CTBP2: variants seen among roughly 807,000 people sequenced by gnomAD.
CTBP2 encodes the protein C-terminal-binding protein 2.
Under a neutral mutation model 80.3 loss-of-function variants are expected in CTBP2, and 30 were observed. The ratio of observed to expected loss-of-function variants is 0.37; its 90% CI spans 0.28 to 0.51. CTBP2 has a LOEUF of 0.51. Ranked by LOEUF, CTBP2 falls within the 20% of genes least tolerant of loss-of-function variation. The probability of loss-of-function intolerance (pLI) is 0.93; values close to 1 mark genes in which losing one functional copy is unlikely to be tolerated. For synonymous variants in CTBP2, 594 were observed against 587.4 expected (o/e 1.01, Z -0.16); for missense variants, 1,212 against 1,375.3 (o/e 0.88, Z 1.88).
At chr10:125,075,078 A>G (rs1846074530) in intron 2 of CTBP2, among the ~76,000 whole-genome samples, 2 of 152,252 alleles carry the variant, frequency 1.3e-5, no homozygotes, top group African/African-American at 4.8e-5. Flanking sequence ...GACAACGGTG[A>G]TCTAAGACAC....
chr10:125,027,882 T>C lies in CTBP2; in HGVS notation c.-123A>G. 7.0e-7 allele frequency: 1 copy of C among 1,427,580 alleles called. No homozygotes were observed. Among genetic ancestry groups the C allele is most frequent in the South Asian group, 1.5e-5 (1 of 65,276 alleles). 88.4% of individuals were successfully genotyped at this position (1,427,580 alleles called of 1,614,324 possible). ...TTCCGAGACGGCAGGGACAACCAACTGGGGGTTTTCTGTTTCAAAGCATGG... is the reference window on the plus strand; with the variant it reads ...TTCCGAGACGGCAGGGACAACCAACCGGGGGTTTTCTGTTTCAAAGCATGG... On this transcript the variant is annotated 5_prime_UTR_variant, in exon 1 of 9. Coordinates refer to ENST00000309035, the MANE Select transcript of CTBP2 (RefSeq NM_022802.3).
intron 1 of CTBP2, among the ~76,000 whole-genome samples, chr10:125,159,307 G>C (rs1462666683): frequency 6.7e-6 from 1 of 149,562 alleles, no homozygotes; most frequent in African/African-American, 2.4e-5. Context: ...GGCCCGGGCG[G>C]GGAAGGTGGG....
At chr10:125,053,799 G>C (rs537285825) in intron 2 of CTBP2, among the ~76,000 whole-genome samples, 17 of 152,316 alleles carry the variant, frequency 1.1e-4, no homozygotes, top group Admixed American at 1.1e-3. Context: ...CTTGGAAAAG[G>C]AGAGATGCCA....
At chr10:125,003,157 C>A (rs554950642) in intron 2 of CTBP2, 53 bp from the exon 5 acceptor site, 5 of 1,609,598 alleles carry the variant, frequency 3.1e-6, no homozygotes, top group Non-Finnish European at 4.2e-6. Context: ...AGCCCACCGG[C>A]ACCACTTGGC....
intron 1 of CTBP2, among the ~76,000 whole-genome samples, chr10:125,130,039 CTCTT>C (rs1825632560): frequency 2.8e-5 from 2 of 71,136 alleles, no homozygotes; most frequent in Non-Finnish European, 6.3e-5. Flanking sequence ...CAGGATTTCT[CTCTT>C]TTTTTTTTTT....
intron 2 of CTBP2, among the ~76,000 whole-genome samples, chr10:125,061,210 A>T (rs1340626819): frequency 6.6e-6 from 1 of 152,260 alleles, no homozygotes; most frequent in Admixed American, 6.5e-5. Context: ...TGCTAAAGCA[A>T]ACATCTTATT....
At chr10:125,031,104 T>C (rs981331354), upstream of CTBP2, among the ~76,000 whole-genome samples, 1 of 152,204 alleles carries the variant, frequency 6.6e-6, no homozygotes, top group African/African-American at 2.4e-5. Context: ...GCCTATGGCA[T>C]ACCCATTTCC....
chr10:125,069,086 G>A (rs758740787), intron 2 of CTBP2, among the ~76,000 whole-genome samples: 7 of 152,108 alleles, frequency 4.6e-5, no homozygotes, highest in Non-Finnish European at 8.8e-5. Flanking sequence ...AAACAGTCTC[G>A]GGGCTGGCCT....
intron 2 of CTBP2, among the ~76,000 whole-genome samples, chr10:125,055,782 T>C (rs1366226148): frequency 1.3e-5 from 2 of 152,036 alleles, no homozygotes; most frequent in Admixed American, 6.5e-5. Context: ...TACCCAACTG[T>C]TGGCAGGGGA....
intron 1 of CTBP2, chr10:125,005,819 G>T: frequency 1.2e-6 from 2 of 1,608,356 alleles, no homozygotes; most frequent in Non-Finnish European, 1.7e-6. Flanking sequence ...GCCCCAGGCG[G>T]TCGCCCACAC....
At chr10:125,069,909 AAAG>A (rs940224325) in intron 2 of CTBP2, among the ~76,000 whole-genome samples, 9 of 132,638 alleles carry the variant, frequency 6.8e-5, no homozygotes, top group African/African-American at 2.3e-4. Flanking sequence ...ACAAACCCCA[AAAG>A]AAGTGAATAT....
intron 1 of CTBP2, among the ~76,000 whole-genome samples, chr10:125,112,343 C>T (rs1372622113): frequency 6.6e-6 from 1 of 151,916 alleles, no homozygotes; most frequent in African/African-American, 2.4e-5. Context: ...GAACTTCTGA[C>T]CTCAAGTGAT....
intron 1 of CTBP2, among the ~76,000 whole-genome samples, chr10:125,011,072 A>C (rs1222597872): frequency 6.6e-6 from 1 of 152,212 alleles, no homozygotes; most frequent in Non-Finnish European, 1.5e-5. Flanking sequence ...AGGAGGGAAA[A>C]AATCGAGTGT....
intron 2 of CTBP2, among the ~76,000 whole-genome samples, chr10:125,053,944 C>G (rs1564809839): frequency 6.6e-6 from 1 of 152,140 alleles, no homozygotes; most frequent in Non-Finnish European, 1.5e-5. Flanking sequence ...ATCTCAGTGA[C>G]CTTTCCAGCC....
At chr10:125,119,771 T>C (rs1472983323) in intron 1 of CTBP2, among the ~76,000 whole-genome samples, 1 of 152,250 alleles carries the variant, frequency 6.6e-6, no homozygotes, top group African/African-American at 2.4e-5. Context: ...CCTGTATTTT[T>C]CTATTTTCTG....
intron 1 of CTBP2, among the ~76,000 whole-genome samples, chr10:125,152,266 G>A (rs1013483496): frequency 9.2e-5 from 14 of 152,328 alleles, no homozygotes; most frequent in African/African-American, 3.4e-4. Context: ...GACGCCAGGA[G>A]GCCCGTCCTT....
chr10:125,105,199 G>A (rs538929162), intron 2 of CTBP2, among the ~76,000 whole-genome samples: 54 of 152,162 alleles, frequency 3.5e-4, no homozygotes, highest in Non-Finnish European at 6.5e-4. Flanking sequence ...CCAAGGCTGA[G>A]TGCAGTGGTG....
chr10:125,070,852 G>C, intron 2 of CTBP2, among the ~76,000 whole-genome samples: 1 of 152,048 alleles, frequency 6.6e-6, no homozygotes, highest in Middle Eastern at 3.2e-3. Context: ...TTTAGTAGAG[G>C]CAGGATTTCA....
At chr10:125,153,463 TAAA>T (rs1860365750) in intron 1 of CTBP2, among the ~76,000 whole-genome samples, 1 of 152,192 alleles carries the variant, frequency 6.6e-6, no homozygotes, top group Non-Finnish European at 1.5e-5. Context: ...AGCAAAATAA[TAAA>T]CTCACAGCTA....
Sources: gnomAD v4.1 joint callset for allele counts (sites outside exome capture counted in the v4.1 genomes callset) on GRCh38, gnomAD v4.1.1 for gene constraint, MANE v1.5 for transcripts, NCBI Gene and HGNC (gene_info 2026-07-23, HGNC 2026-07-21) for gene names.